Variants in CADPS observed in about 807,000 individuals in gnomAD.
The protein encoded by CADPS is calcium dependent secretion activator.
A neutral mutation model predicts 167.3 loss-of-function variants in CADPS; 57 were observed. The observed-to-expected ratio is 0.34, with a 90% confidence interval of 0.28 to 0.42. CADPS has a LOEUF of 0.42. Among genes scored for constraint, CADPS ranks in the 20% least tolerant of loss-of-function variants. CADPS has a pLI of 1.00. For synonymous variants in CADPS, 676 were observed against 635.3 expected (o/e 1.06, Z -0.96); for missense variants, 1,414 against 1,738.1 (o/e 0.81, Z 3.32).
intron 13 of CADPS, among the ~76,000 whole-genome samples, chr3:62,519,142 T>C (rs2069768965): frequency 6.6e-6 from 1 of 152,336 alleles, no homozygotes; most frequent in African/African-American, 2.4e-5. Context: ...ATCTGACCCA[T>C]TCAAAGCCTT....
intron 1 of CADPS, among the ~76,000 whole-genome samples, chr3:62,808,680 T>C (rs1326282279): frequency 1.3e-5 from 2 of 152,136 alleles, no homozygotes; most frequent in East Asian, 1.9e-4. Flanking sequence ...TGGGTGTCCT[T>C]TCCTCAGTGT....
chr3:62,573,109 T>G (rs1023612019), intron 8 of CADPS, among the ~76,000 whole-genome samples: 1 of 152,170 alleles, frequency 6.6e-6, no homozygotes, highest in Non-Finnish European at 1.5e-5. Context: ...CTCGAACTCT[T>G]GACCTCAGGT....
rs77846028 is a variant in CADPS, at chr3:62,560,404, T to A, written c.1645-2891A>T. Among the ~76,000 whole-genome samples the A allele has an allele frequency of 6.5e-3, 987 of 152,332 alleles. 7 individuals carry two copies. The highest frequency in any genetic ancestry group is 9.3e-3 in the Admixed American group (143 of 15,302). ...CTGTATTTTGTTGATGAAAAATTAA[T>A]GAGGCAGTGAGCACTGTTGTAATAA... On this transcript the variant is annotated intron_variant, in intron 9 of 29. Coordinates refer to ENST00000383710, the MANE Select transcript of CADPS (RefSeq NM_003716.4).
intron 3 of CADPS, among the ~76,000 whole-genome samples, chr3:62,747,225 A>T (rs916718804): frequency 6.6e-6 from 1 of 152,252 alleles, no homozygotes; most frequent in Non-Finnish European, 1.5e-5. Flanking sequence ...CCAGATTTTA[A>T]AACATTTCTT....
At chr3:62,697,783 A>G (rs1464954171) in intron 3 of CADPS, among the ~76,000 whole-genome samples, 1 of 151,950 alleles carries the variant, frequency 6.6e-6, no homozygotes, top group East Asian at 1.9e-4. Context: ...TTTAATTTTT[A>G]AATTATGGCC....
At chr3:62,603,983 C>T (rs1209570315) in intron 6 of CADPS, among the ~76,000 whole-genome samples, 3 of 146,216 alleles carry the variant, frequency 2.1e-5, no homozygotes, top group Admixed American at 7.0e-5. Context: ...CTCACCACCA[C>T]GCCCGGCTAA....
chr3:62,408,061 G>A (rs1296757375), intron 28 of CADPS, among the ~76,000 whole-genome samples: 2 of 152,172 alleles, frequency 1.3e-5, no homozygotes, highest in East Asian at 3.9e-4. Flanking sequence ...ATATGTGACA[G>A]AAAGACATTT....
At chr3:62,730,216 G>A (rs1575578563) in intron 3 of CADPS, among the ~76,000 whole-genome samples, 2 of 152,094 alleles carry the variant, frequency 1.3e-5, no homozygotes, top group South Asian at 4.1e-4. Flanking sequence ...TCCTACCCCG[G>A]TCCAGTGCTT....
intron 11 of CADPS, among the ~76,000 whole-genome samples, chr3:62,543,460 A>C (rs1026051157): frequency 6.6e-6 from 1 of 152,144 alleles, no homozygotes; most frequent in African/African-American, 2.4e-5. Context: ...TCTTTAAAAA[A>C]AGTATAGCAA....
At chr3:62,610,325 A>G (rs2061333507) in intron 6 of CADPS, among the ~76,000 whole-genome samples, 1 of 151,442 alleles carries the variant, frequency 6.6e-6, no homozygotes, top group Non-Finnish European at 1.5e-5. Flanking sequence ...ATCTCAGCTC[A>G]CTGCAACCTT....
At chr3:62,710,004 T>C (rs2151770297) in intron 3 of CADPS, among the ~76,000 whole-genome samples, 1 of 152,212 alleles carries the variant, frequency 6.6e-6, no homozygotes, top group African/African-American at 2.4e-5. Context: ...TGAACTCAAG[T>C]GATCTGCCCA....
chr3:62,826,124 G>A (rs1257995328), intron 1 of CADPS, among the ~76,000 whole-genome samples: 1 of 152,176 alleles, frequency 6.6e-6, no homozygotes, highest in African/African-American at 2.4e-5. Flanking sequence ...GCAGGTGGTA[G>A]AAGATGCAGT....
At chr3:62,856,540 A>G (rs2079721983) in intron 1 of CADPS, among the ~76,000 whole-genome samples, 1 of 152,112 alleles carries the variant, frequency 6.6e-6, no homozygotes, top group African/African-American at 2.4e-5. Flanking sequence ...AGAGTCATGG[A>G]TATTCTGAAA....
intron 11 of CADPS, among the ~76,000 whole-genome samples, chr3:62,541,271 G>A (rs2075642941): frequency 1.3e-5 from 2 of 152,166 alleles, no homozygotes; most frequent in Non-Finnish European, 2.9e-5. Context: ...ATGTACTGAT[G>A]TACTGACAGT....
intron 3 of CADPS, among the ~76,000 whole-genome samples, chr3:62,695,481 A>G (rs904135971): frequency 9.9e-5 from 15 of 152,074 alleles, no homozygotes; most frequent in African/African-American, 3.6e-4. Flanking sequence ...AGATAAACTG[A>G]GTCTGACACC....
chr3:62,592,371 G>T (rs2086247309), intron 7 of CADPS, among the ~76,000 whole-genome samples: 2 of 152,142 alleles, frequency 1.3e-5, no homozygotes, highest in Admixed American at 1.3e-4. Context: ...AAGGATGTTT[G>T]GGTCTGATAG....
At chr3:62,647,351 T>C (rs2068814766) in intron 5 of CADPS, among the ~76,000 whole-genome samples, 1 of 152,176 alleles carries the variant, frequency 6.6e-6, no homozygotes, top group African/African-American at 2.4e-5. Context: ...GAATCATTTA[T>C]AGGGCTTGTT....
intron 28 of CADPS, among the ~76,000 whole-genome samples, chr3:62,415,827 C>A (rs375702971): frequency 6.6e-6 from 1 of 152,126 alleles, no homozygotes; most frequent in African/African-American, 2.4e-5. Flanking sequence ...GATGGCAATG[C>A]GAAGTGACAA....
intron 2 of CADPS, among the ~76,000 whole-genome samples, chr3:62,754,380 G>T (rs923655256): frequency 2.0e-4 from 30 of 151,908 alleles, no homozygotes; most frequent in African/African-American, 7.3e-4. Flanking sequence ...TACATACAGG[G>T]TTTCACCATG....
Sources: allele counts gnomAD v4.1 joint callset (sites outside exome capture counted in the v4.1 genomes callset), GRCh38; gene constraint gnomAD v4.1.1; transcripts MANE v1.5; gene names NCBI Gene and HGNC (gene_info 2026-07-23, HGNC 2026-07-21).